Variants in COX7A2L observed in about 807,000 individuals in gnomAD.
COX7A2L encodes cytochrome c oxidase subunit 7A2 like, also known as cytochrome c oxidase subunit 7A2-like, mitochondrial.
Under a neutral mutation model 14.2 loss-of-function variants are expected in COX7A2L, and 18 were observed. The ratio of observed to expected loss-of-function variants is 1.27; its 90% CI spans 0.88 to 1.88. The LOEUF (loss-of-function observed/expected upper bound fraction) is 1.88. COX7A2L is among the 40% of genes most tolerant of loss of function. COX7A2L has a pLI of 0.00. For synonymous variants in COX7A2L, 65 were observed against 57.4 expected (o/e 1.13, Z -0.60); for missense variants, 179 against 138.8 (o/e 1.29, Z -1.46).
At chr2:42,361,414 G>C (rs2103915031), upstream of COX7A2L, 1 of 442,820 alleles carries the variant, frequency 2.3e-6, no homozygotes, top group South Asian at 3.2e-5. Flanking sequence ...GAGTCTGTAG[G>C]AAATATGAAG....
upstream of COX7A2L, chr2:42,361,874 T>C (rs987565800): frequency 9.2e-5 from 14 of 151,998 alleles, no homozygotes; most frequent in African/African-American, 3.4e-4. Context: ...AATAAGAAAA[T>C]TTGGAAGCAC....
chr2:42,357,571 G>T (rs576815518), intron 1 of COX7A2L, among the ~76,000 whole-genome samples: 9 of 151,904 alleles, frequency 5.9e-5, no homozygotes, highest in Middle Eastern at 3.4e-3. Context: ...CCTGGCCTCC[G>T]GAAACACTGG....
At chr2:42,351,790 A>G (rs1277112087) in intron 2 of COX7A2L, among the ~76,000 whole-genome samples, 2 of 152,172 alleles carry the variant, frequency 1.3e-5, no homozygotes, top group Non-Finnish European at 2.9e-5. Context: ...CCTGGGCAAC[A>G]TGGCAAAACC....
intron 1 of COX7A2L, among the ~76,000 whole-genome samples, chr2:42,367,656 C>T (rs554607965): frequency 2.6e-5 from 4 of 152,250 alleles, no homozygotes; most frequent in African/African-American, 4.8e-5. Context: ...GAACTTCCAG[C>T]GACACGCCTG....
chr2:42,349,025 A>C (rs927578637), downstream of COX7A2L, among the ~76,000 whole-genome samples: 11 of 152,338 alleles, frequency 7.2e-5, no homozygotes, highest in Non-Finnish European at 1.6e-4. Flanking sequence ...GAGAATGTTA[A>C]ATGGTACAAC....
chr2:42,359,414 A>G (rs1374969463), intron 1 of COX7A2L: 5 of 152,250 alleles, frequency 3.3e-5, no homozygotes, highest in African/African-American at 9.6e-5. Context: ...TATACAGTAC[A>G]TGGGTTTGTC....
At chr2:42,367,721 G>A (rs912447777) in intron 1 of COX7A2L, among the ~76,000 whole-genome samples, 5 of 152,236 alleles carry the variant, frequency 3.3e-5, no homozygotes, top group African/African-American at 1.2e-4. Flanking sequence ...TGAGCCAGGG[G>A]AGAAATTTGC....
At chr2:42,351,751 A>G (rs1423581307) in intron 2 of COX7A2L, among the ~76,000 whole-genome samples, 2 of 152,208 alleles carry the variant, frequency 1.3e-5, no homozygotes, top group African/African-American at 2.4e-5. Flanking sequence ...AGACAGGCAG[A>G]TGGCTTGAGC....
chr2:42,356,777 T>A (rs1670831941), intron 1 of COX7A2L, among the ~76,000 whole-genome samples: 1 of 152,002 alleles, frequency 6.6e-6, no homozygotes. Flanking sequence ...TATCAAAAAA[T>A]TAGCCAGGTA....
downstream of COX7A2L, among the ~76,000 whole-genome samples, chr2:42,347,307 CTTTTTTTTT>C (rs10718452): frequency 7.4e-6 from 1 of 135,052 alleles, no homozygotes. Context: ...AAACCAGCAC[CTTTTTTTTT>C]TTTTTTTTTT....
In COX7A2L at chr2:42,336,460, A is replaced by C. The variant is rs181991114; in HGVS notation, c.193-2591T>G. ...CTGAGAAGAAAGTGAGTGCCCGAAG[A>C]AAGGGCCTCAGGGAGGAAAAGGAAT... On this transcript the variant is annotated intron_variant, in intron 2 of 2. Coordinates refer to the COX7A2L transcript ENST00000468711. Among the ~76,000 whole-genome samples the C allele has an allele frequency of 9.2e-5, 14 of 152,236 alleles. No homozygotes were observed. The East Asian group carries it at 2.7e-3, about 29-fold the overall frequency.
intron 1 of COX7A2L, among the ~76,000 whole-genome samples, chr2:42,358,407 T>A (rs1264640429): frequency 6.6e-6 from 1 of 152,230 alleles, no homozygotes; most frequent in East Asian, 1.9e-4. Context: ...AACCACCTTT[T>A]CCATATTATG....
At chr2:42,349,118 C>A (rs1452429758), downstream of COX7A2L, among the ~76,000 whole-genome samples, 2 of 152,090 alleles carry the variant, frequency 1.3e-5, no homozygotes, top group Non-Finnish European at 2.9e-5. Context: ...TAGGTAGATA[C>A]CCAAGAGAAA....
chr2:42,353,202 C>T lies in COX7A2L; in HGVS notation c.204+10G>A, dbSNP rs1196230285. Reference sequence around the variant, plus strand: ...CACAGGCTTTTCTGTTGTAGAGTATCTTCCCTCACCTGGAAAAACTTTTGT... The same window carrying T: ...CACAGGCTTTTCTGTTGTAGAGTATTTTCCCTCACCTGGAAAAACTTTTGT... On this transcript the variant is annotated intron_variant, in intron 2 of 2. Transcript: ENST00000234301. The T allele has an allele frequency of 6.2e-7, 1 of 1,613,166 alleles. No homozygotes were observed. The highest frequency in any genetic ancestry group is 1.7e-5 in the Admixed American group (1 of 59,740).
rs758994060 is a variant in COX7A2L, at chr2:42,361,147, A to G, written c.15T>C (p.Phe5=). 3.7e-6 allele frequency: 6 copies of G among 1,613,560 alleles called. No individual in the cohort carries two copies. The highest frequency in any genetic ancestry group is 5.1e-6 in the Non-Finnish European group (6 of 1,179,794). Reference sequence around the variant, plus strand: ...CTGCCAACTTCTGCGTGAAGCCACTAAACTTGTAGTACATGACGCCCAGAG... The same window carrying G: ...CTGCCAACTTCTGCGTGAAGCCACTGAACTTGTAGTACATGACGCCCAGAG... The part of the protein sequence containing the change: MYYK[F]SGFTQKLAGA... Residue 5 remains phenylalanine (F), a synonymous_variant, in exon 1 of 3, where the codon TTT becomes TTC. Transcript: ENST00000234301.
downstream of COX7A2L, among the ~76,000 whole-genome samples, chr2:42,348,653 T>G (rs974038041): frequency 6.6e-6 from 1 of 152,136 alleles, no homozygotes; most frequent in Non-Finnish European, 1.5e-5. Context: ...GCACGGTGAC[T>G]CACGCCTGTA....
chr2:42,354,716 C>T (rs138814255), intron 1 of COX7A2L, among the ~76,000 whole-genome samples: 340 of 152,274 alleles, frequency 2.2e-3, no homozygotes, highest in African/African-American at 7.7e-3. Flanking sequence ...GGGAATGAAC[C>T]ATGGCCTGTT....
At chr2:42,347,753 C>G (rs1309397657), downstream of COX7A2L, among the ~76,000 whole-genome samples, 6 of 152,290 alleles carry the variant, frequency 3.9e-5, no homozygotes, top group East Asian at 1.2e-3. Context: ...GAAACCCCGT[C>G]TCTACTAAAA....
chr2:42,358,726 G>C (rs1005918426), intron 1 of COX7A2L, among the ~76,000 whole-genome samples: 12 of 152,170 alleles, frequency 7.9e-5, no homozygotes, highest in Non-Finnish European at 1.8e-4. Context: ...CAAACTCATC[G>C]CAAGGTAATC....
Sources: allele counts gnomAD v4.1 joint callset (sites outside exome capture counted in the v4.1 genomes callset), GRCh38; gene constraint gnomAD v4.1.1; transcripts MANE v1.5; gene names NCBI Gene and HGNC (gene_info 2026-07-23, HGNC 2026-07-21).